The following TJP1 variants were observed in gnomAD, a reference collection of about 807,000 sequenced individuals.
TJP1 encodes tight junction protein ZO-1.
In TJP1, 43 loss-of-function variants were observed where a neutral mutation model predicts 194.2. The observed-to-expected ratio is 0.22, with a 90% CI of 0.17 to 0.29. TJP1 has a LOEUF of 0.29. TJP1 is among the 10% of genes least tolerant of loss of function. The pLI is 1.00. For synonymous variants in TJP1, 801 were observed against 779.0 expected (o/e 1.03, Z -0.47); for missense variants, 1,971 against 2,185.7 (o/e 0.90, Z 1.96).
At chr15:29,835,532 C>G (rs186854930) in intron 2 of TJP1, among the ~76,000 whole-genome samples, 2 of 152,058 alleles carry the variant, frequency 1.3e-5, no homozygotes, top group Admixed American at 6.6e-5. Context: ...TGCCTGTAGT[C>G]CCAGCTACTG....
At chr15:29,954,050 ACAGAGT>A (rs1024878713) in intron 2 of TJP1, among the ~76,000 whole-genome samples, 1 of 152,186 alleles carries the variant, frequency 6.6e-6, no homozygotes, top group African/African-American at 2.4e-5. Context: ...CACTTTTGAG[ACAGAGT>A]CAAATAGAAA....
chr15:29,799,416 A>T (rs550156066), intron 2 of TJP1, among the ~76,000 whole-genome samples: 74 of 144,404 alleles, frequency 5.1e-4, no homozygotes, highest in Admixed American at 1.5e-3. Flanking sequence ...AGAAAAAAAA[A>T]TTTTTTTTTT....
intron 8 of TJP1, among the ~76,000 whole-genome samples, chr15:29,755,730 A>C (rs934784237): frequency 6.6e-6 from 1 of 152,168 alleles, no homozygotes; most frequent in African/African-American, 2.4e-5. Flanking sequence ...ACATTCCCCA[A>C]ACACTTTAGA....
At chr15:29,757,845 T>A (rs958419539) in intron 8 of TJP1, among the ~76,000 whole-genome samples, 4 of 152,270 alleles carry the variant, frequency 2.6e-5, no homozygotes, top group Middle Eastern at 3.4e-3. Context: ...AGCATGAGAT[T>A]TAACTGTGTG....
At chr15:29,740,136 C>T (rs1041019245) in intron 10 of TJP1, among the ~76,000 whole-genome samples, 4 of 151,862 alleles carry the variant, frequency 2.6e-5, no homozygotes, top group African/African-American at 7.3e-5. Context: ...TATAGGCGCC[C>T]AGCTAATTTT....
chr15:29,801,820 T>C (rs1041193377), intron 1 of TJP1, among the ~76,000 whole-genome samples: 2 of 152,060 alleles, frequency 1.3e-5, no homozygotes, highest in East Asian at 1.9e-4. Flanking sequence ...TGGGCCACAC[T>C]TGAAAGAAGA....
intron 5 of TJP1, among the ~76,000 whole-genome samples, chr15:29,765,563 C>T (rs1460413784): frequency 3.3e-5 from 5 of 151,982 alleles, no homozygotes; most frequent in African/African-American, 9.7e-5. Flanking sequence ...TCCTTAAATT[C>T]CTCCATTTAA....
Position 29,874,412 on chromosome 15 carries a change from C to T in TJP1, c.307-73710G>A, listed in dbSNP as rs112036804. Among the ~76,000 whole-genome samples the T allele has an allele frequency of 1.3e-4, 20 of 152,228 alleles. 1 individual carries two copies. The highest frequency in any genetic ancestry group is 6.8e-3 in the Middle Eastern group (2 of 294). On this transcript the variant is annotated intron_variant, in intron 2 of 28. Coordinates refer to the TJP1 transcript ENST00000356107. ...AAGGGCGGAGGGCAAACCTTGCAAACGACACATCTTAGTTGGAGGACATGA... is the reference window on the plus strand; with the variant it reads ...AAGGGCGGAGGGCAAACCTTGCAAATGACACATCTTAGTTGGAGGACATGA...
At chr15:29,923,665 T>A (rs1454630386) in intron 2 of TJP1, among the ~76,000 whole-genome samples, 1 of 152,090 alleles carries the variant, frequency 6.6e-6, no homozygotes, top group Middle Eastern at 3.2e-3. Context: ...TAGTAGGGGG[T>A]GACAGCTGGT....
intron 2 of TJP1, among the ~76,000 whole-genome samples, chr15:29,891,901 A>G (rs1391869480): frequency 2.0e-5 from 3 of 152,204 alleles, no homozygotes; most frequent in Non-Finnish European, 4.4e-5. Context: ...AAAAGGTTCA[A>G]ATGTTCAAGT....
At position 29,822,205 on chromosome 15, in the gene TJP1, G is replaced by A. The variant is rs961810059; in HGVS notation, c.-177C>T. 1.7e-6 allele frequency: 2 copies of A among 1,179,354 alleles called. No homozygotes were observed. Among genetic ancestry groups the A allele is most frequent in the Non-Finnish European group, 2.1e-6 (2 of 954,086 alleles). The allele number at this position is 1,179,354 out of a possible 1,614,324, so 73.1% of individuals were successfully genotyped here. A position where few individuals can be genotyped will look rare whatever the true frequency, so the allele number is the denominator to read the frequency against. ...GGGAATTCAACTCGGACAAAAGTCC[G>A]GGAAGCGCCCGCCCCGCCCGGGTCT... On this transcript the variant is annotated 5_prime_UTR_variant, in exon 1 of 28. Coordinates refer to ENST00000614355, the MANE Select transcript of TJP1 (RefSeq NM_001330239.4).
At chr15:29,887,021 G>A (rs1232458533) in intron 2 of TJP1, among the ~76,000 whole-genome samples, 1 of 151,496 alleles carries the variant, frequency 6.6e-6, no homozygotes, top group East Asian at 2.0e-4. Context: ...ACAGACAGAA[G>A]GACAGGCAAG....
intron 2 of TJP1, among the ~76,000 whole-genome samples, chr15:29,847,249 C>T (rs909578557): frequency 1.8e-4 from 28 of 151,950 alleles, no homozygotes; most frequent in African/African-American, 5.8e-4. Context: ...ACCACAGGTG[C>T]GCACCACCAC....
intron 2 of TJP1, among the ~76,000 whole-genome samples, chr15:29,775,924 G>A (rs2046988795): frequency 6.6e-6 from 1 of 152,082 alleles, no homozygotes; most frequent in Non-Finnish European, 1.5e-5. Flanking sequence ...AAAGGCACCA[G>A]GCGCAAATGA....
At chr15:29,717,922 C>T (rs2042666072) in intron 22 of TJP1, 99 bp downstream of exon 22, 1 of 982,172 alleles carries the variant, frequency 1.0e-6, no homozygotes, top group Non-Finnish European at 1.5e-6. Context: ...CTCCTATTCA[C>T]ACCTCTCCTC....
intron 2 of TJP1, among the ~76,000 whole-genome samples, chr15:29,773,804 TTC>T (rs1338205349): frequency 6.6e-6 from 1 of 152,212 alleles, no homozygotes; most frequent in Non-Finnish European, 1.5e-5. Context: ...TTATTTCAAC[TTC>T]TTTCAACAAC....
intron 2 of TJP1, among the ~76,000 whole-genome samples, chr15:29,877,638 TTCTC>T (rs1159365711): frequency 1.3e-5 from 2 of 151,488 alleles, no homozygotes; most frequent in African/African-American, 2.4e-5. Flanking sequence ...TTCTTTCTTC[TTCTC>T]TTTCTTTCTT....
chr15:29,879,260 G>A (rs2052834026), intron 2 of TJP1, among the ~76,000 whole-genome samples: 1 of 152,248 alleles, frequency 6.6e-6, no homozygotes, highest in African/African-American at 2.4e-5. Flanking sequence ...CCGTGGGGAA[G>A]AACATCTAGG....
chr15:29,965,278 C>T (rs1338593666), intron 1 of TJP1, among the ~76,000 whole-genome samples: 2 of 151,912 alleles, frequency 1.3e-5, no homozygotes, highest in East Asian at 3.9e-4. Flanking sequence ...GGTACAATCT[C>T]GGCTCACTGC....
Sources: gnomAD v4.1 joint callset for allele counts (sites outside exome capture counted in the v4.1 genomes callset) on GRCh38, gnomAD v4.1.1 for gene constraint, MANE v1.5 for transcripts, NCBI Gene and HGNC (gene_info 2026-07-23, HGNC 2026-07-21) for gene names.